SAMD4A: variants seen among roughly 807,000 people sequenced by gnomAD.
SAMD4A encodes the protein sterile alpha motif domain containing 4A.
In SAMD4A, 33 loss-of-function variants were observed where a neutral mutation model predicts 81.3. That is an observed-to-expected ratio of 0.41 (90% CI 0.31 to 0.54). The LOEUF (loss-of-function observed/expected upper bound fraction) is 0.54. Ranked by LOEUF, SAMD4A falls within the 20% of genes least tolerant of loss-of-function variation. The pLI, the probability that SAMD4A is intolerant of heterozygous loss-of-function variation, is 0.37. For missense variants in SAMD4A, 854 were observed against 951.1 expected, an observed-to-expected ratio of 0.90 and a Z score of 1.34; for synonymous variants, 389 against 382.1, an observed-to-expected ratio of 1.02 and a Z score of -0.21.
At chr14:54,672,020 G>GTT (rs56900347) in intron 2 of SAMD4A, among the ~76,000 whole-genome samples, 6 of 125,064 alleles carry the variant, frequency 4.8e-5, no homozygotes, top group East Asian at 2.3e-4. Flanking sequence ...TGTTTATAGT[G>GTT]TTTTTTTTTT....
intron 7 of SAMD4A, among the ~76,000 whole-genome samples, chr14:54,760,975 C>G (rs2038382204): frequency 7.7e-6 from 1 of 129,904 alleles, no homozygotes; most frequent in South Asian, 2.7e-4. Context: ...TGGCAGTGGC[C>G]TCTCTCCTCA....
chr14:54,674,860 C>T (rs2035956450), intron 2 of SAMD4A, among the ~76,000 whole-genome samples: 1 of 152,194 alleles, frequency 6.6e-6, no homozygotes, highest in Admixed American at 6.5e-5. Context: ...GTGATCCTCC[C>T]ACCTCAGCCT....
At chr14:54,742,597 C>T (rs1484491436) in intron 4 of SAMD4A, among the ~76,000 whole-genome samples, 1 of 152,180 alleles carries the variant, frequency 6.6e-6, no homozygotes, top group African/African-American at 2.4e-5. Flanking sequence ...AAGCAAGGAG[C>T]TCTATGACTT....
intron 6 of SAMD4A, among the ~76,000 whole-genome samples, chr14:54,753,209 A>T (rs999262420): frequency 2.6e-5 from 4 of 152,210 alleles, no homozygotes; most frequent in Non-Finnish European, 5.9e-5. Flanking sequence ...GGTCTTTCTC[A>T]TCCCATGAGG....
intron 3 of SAMD4A, among the ~76,000 whole-genome samples, chr14:54,734,071 C>T (rs2037628879): frequency 6.6e-6 from 1 of 152,202 alleles, no homozygotes; most frequent in African/African-American, 2.4e-5. Context: ...AGAGGTAACA[C>T]CAAAATCAGC....
intron 3 of SAMD4A, among the ~76,000 whole-genome samples, chr14:54,716,190 T>G (rs1026090136): frequency 1.3e-5 from 2 of 152,180 alleles, no homozygotes; most frequent in African/African-American, 4.8e-5. Context: ...GACACTCAGC[T>G]TTTGCCCTGT....
Position 54,772,188 on chromosome 14 carries a change from T to C in SAMD4A, c.1715+1966T>C, listed in dbSNP as rs141749337. On this transcript the variant is annotated intron_variant, in intron 9 of 12. Coordinates refer to ENST00000554335, the MANE Select transcript of SAMD4A (RefSeq NM_015589.6). ...TTATCACAAATCCCAAATTAATTGGTTCTTATTAATGTTACTTTATCAAAG... is the reference window on the plus strand; with the variant it reads ...TTATCACAAATCCCAAATTAATTGGCTCTTATTAATGTTACTTTATCAAAG... Among the ~76,000 whole-genome samples the C allele has an allele frequency of 6.4e-3, 982 of 152,306 alleles. 9 individuals carry two copies. Among genetic ancestry groups the C allele is most frequent in the African/African-American group, 0.022 (915 of 41,558 alleles).
At chr14:54,713,372 A>G (rs1315440712) in intron 3 of SAMD4A, among the ~76,000 whole-genome samples, 1 of 152,154 alleles carries the variant, frequency 6.6e-6, no homozygotes, top group Non-Finnish European at 1.5e-5. Flanking sequence ...ATTAGGTAAA[A>G]TACATTCTCA....
At chr14:54,634,905 T>C (rs942677761) in intron 2 of SAMD4A, among the ~76,000 whole-genome samples, 2 of 152,218 alleles carry the variant, frequency 1.3e-5, no homozygotes, top group African/African-American at 4.8e-5. Flanking sequence ...AGTTAAAATG[T>C]GTCTTTGGGT....
chr14:54,774,157 G>A (rs60362659), intron 9 of SAMD4A, among the ~76,000 whole-genome samples: 33,877 of 152,240 alleles, frequency 0.22, 3,858 homozygotes, highest in Non-Finnish European at 0.24. Context: ...GCAGAGTGCT[G>A]GTGAACCTGC....
intron 2 of SAMD4A, among the ~76,000 whole-genome samples, chr14:54,688,829 T>C (rs1832528549): frequency 6.6e-6 from 1 of 151,982 alleles, no homozygotes; most frequent in Admixed American, 6.5e-5. Flanking sequence ...CATGATTTTC[T>C]TGGGTTCTCA....
intron 2 of SAMD4A, among the ~76,000 whole-genome samples, chr14:54,612,355 A>G (rs1461189340): frequency 6.6e-6 from 1 of 152,110 alleles, no homozygotes; most frequent in African/African-American, 2.4e-5. Context: ...TAATCTACAT[A>G]TGTCTCCAAG....
At chr14:54,745,371 CT>C in intron 4 of SAMD4A, among the ~76,000 whole-genome samples, 1 of 152,302 alleles carries the variant, frequency 6.6e-6, no homozygotes, top group Non-Finnish European at 1.5e-5. Flanking sequence ...CCTCTTGACT[CT>C]GTGTTTCCTT....
At chr14:54,707,918 T>C (rs1402311382) in intron 3 of SAMD4A, among the ~76,000 whole-genome samples, 1 of 152,172 alleles carries the variant, frequency 6.6e-6, no homozygotes, top group African/African-American at 2.4e-5. Flanking sequence ...TCGGAGAGGC[T>C]GGAGACAGAA....
chr14:54,573,703 A>G (rs192000432), intron 2 of SAMD4A, among the ~76,000 whole-genome samples: 29 of 152,340 alleles, frequency 1.9e-4, no homozygotes, highest in African/African-American at 7.0e-4. Context: ...CACATAGATT[A>G]AGATGCAGAA....
chr14:54,576,245 A>G (rs1381667891), intron 2 of SAMD4A, among the ~76,000 whole-genome samples: 1 of 152,048 alleles, frequency 6.6e-6, no homozygotes, highest in Non-Finnish European at 1.5e-5. Flanking sequence ...ATTGACTTTC[A>G]TTGTATACAT....
At chr14:54,770,026 T>C in intron 8 of SAMD4A, 78 bp from the exon 9 acceptor site, 1 of 899,616 alleles carries the variant, frequency 1.1e-6, no homozygotes, top group South Asian at 1.5e-5. Flanking sequence ...CTCCAATGTT[T>C]TCCCCTTATT....
Position 54,594,085 on chromosome 14 carries a change from TA to T in SAMD4A, c.196+25982del, listed in dbSNP as rs998218818. ...TGCAGAAGTAAAACATGATTGCTAT[TA>T]AAAAAAAAGTACATTTTCATAAATT... On this transcript the variant is annotated intron_variant, in intron 2 of 12. Transcript: ENST00000554335. 3.0e-3 allele frequency among the ~76,000 whole-genome samples: 454 copies of T among 151,274 alleles called. 2 individuals carry two copies. Among genetic ancestry groups the T allele is most frequent in the African/African-American group, 9.9e-3 (410 of 41,286 alleles).
chr14:54,652,205 C>T (rs537494483), intron 2 of SAMD4A, among the ~76,000 whole-genome samples: 268 of 152,344 alleles, frequency 1.8e-3, no homozygotes, highest in African/African-American at 6.3e-3. Context: ...GTTATATCTG[C>T]ATTTGTGTGT....
Sources: gnomAD v4.1 joint callset for allele counts (sites outside exome capture counted in the v4.1 genomes callset) on GRCh38, gnomAD v4.1.1 for gene constraint, MANE v1.5 for transcripts, NCBI Gene and HGNC (gene_info 2026-07-23, HGNC 2026-07-21) for gene names.